The following CR1 variants were observed in gnomAD, a reference collection of about 807,000 sequenced individuals.
The protein encoded by CR1 is complement C3b/C4b receptor 1 (Knops blood group).
In CR1, 116 loss-of-function variants were observed where a neutral mutation model predicts 187.3. The observed-to-expected ratio is 0.62, with a 90% CI of 0.53 to 0.72. The LOEUF (loss-of-function observed/expected upper bound fraction) is 0.72, where lower values mean the gene tolerates loss of function less well. Among genes scored for constraint, CR1 ranks in the 30% least tolerant of loss-of-function variants. The pLI, the probability that CR1 is intolerant of heterozygous loss-of-function variation, is 0.00. For synonymous variants in CR1, 576 were observed against 747.1 expected (o/e 0.77, Z 3.73); for missense variants, 1,731 against 2,110.7 (o/e 0.82, Z 3.52).
At chr1:207,556,648 C>CATATATATGTATATAT (rs1553291419) in intron 19 of CR1, among the ~76,000 whole-genome samples, 2 of 38,216 alleles carry the variant, frequency 5.2e-5, no homozygotes, top group African/African-American at 7.4e-5. Context: ...TGATCTATAT[C>CATATATATGTATATAT]ATATATATAT....
intron 31 of CR1, 80 bp downstream of exon 31, chr1:207,580,693 G>C: frequency 7.9e-7 from 1 of 1,270,072 alleles, no homozygotes. Context: ...CCAAAAAGAG[G>C]GCTGACCTAG....
intron 32 of CR1, among the ~76,000 whole-genome samples, chr1:207,583,442 G>A (rs1661020205): frequency 1.3e-5 from 2 of 152,134 alleles, no homozygotes; most frequent in African/African-American, 2.4e-5. Flanking sequence ...CATGTAAAGA[G>A]AGTAGAAATA....
intron 31 of CR1, among the ~76,000 whole-genome samples, chr1:207,581,379 T>TGGA (rs1558245755): frequency 3.5e-5 from 5 of 142,982 alleles, no homozygotes; most frequent in Admixed American, 1.4e-4. Flanking sequence ...CGTATATGTA[T>TGGA]ACATATGTAT....
intron 31 of CR1, among the ~76,000 whole-genome samples, chr1:207,581,439 G>A (rs1054934004): frequency 6.7e-6 from 1 of 149,980 alleles, no homozygotes; most frequent in Non-Finnish European, 1.5e-5. Flanking sequence ...ATATACATAT[G>A]TATATACATA....
rs372769625 is a variant in CR1 at position 207,575,974 on chromosome 1, G to A, written c.4537+294G>A. Among the ~76,000 whole-genome samples, 21 of 152,148 alleles carry A rather than the reference G, an allele frequency of 1.4e-4. No homozygotes were observed. In the South Asian group the frequency reaches 4.1e-3, roughly 30 times the overall value. Reference sequence around the variant, plus strand: ...CACCTCGCAGTTTGAAGAGCATTTTGTTTAGTGAAGTCAACAAATACAAAG... The same window carrying A: ...CACCTCGCAGTTTGAAGAGCATTTTATTTAGTGAAGTCAACAAATACAAAG... On this transcript the variant is annotated intron_variant, in intron 28 of 46. Transcript: ENST00000367049.
chr1:207,585,258 G>A (rs997670231), intron 33 of CR1, among the ~76,000 whole-genome samples: 6 of 152,092 alleles, frequency 3.9e-5, no homozygotes, highest in Admixed American at 6.6e-5. Context: ...GTTCATGAGG[G>A]GTACATGGGC....
Position 207,626,132 on chromosome 1 carries a change from C to T in CR1, c.7352+3064C>T, listed in dbSNP as rs149290411. On this transcript the variant is annotated intron_variant, in intron 45 of 46. Coordinates refer to ENST00000367049, the MANE Select transcript of CR1 (RefSeq NM_000651.6). ...GCCTACACCCAGGAATGAGCAAAGC[C>T]GGCCCACCTGTGAGGCTAGAAGCAA... is the stretch of plus-strand genomic sequence containing the variant. Among the ~76,000 whole-genome samples the T allele has an allele frequency of 9.0e-3, 1,376 of 152,264 alleles. 24 individuals are homozygous for T. Among genetic ancestry groups the T allele is most frequent in the African/African-American group, 0.03 (1,265 of 41,548 alleles).
rs1343960904 is a variant in CR1 at position 207,510,617 on chromosome 1, T to A, written c.402-952T>A. On this transcript the variant is annotated intron_variant, in intron 3 of 46. Transcript: ENST00000367049. ...CAAATTTATGGCACACTGTGAACAG[T>A]TTGAGACATACTAATTGAGAATTGC... 3.3e-5 allele frequency among the ~76,000 whole-genome samples: 5 copies of A among 152,186 alleles called. No homozygotes were observed. The East Asian group carries it at 9.6e-4, about 29-fold the overall frequency.
At chr1:207,587,701 C>T in intron 34 of CR1, 136 bp downstream of exon 34, 2 of 713,862 alleles carry the variant, frequency 2.8e-6, no homozygotes, top group Non-Finnish European at 4.4e-6. Context: ...GAGTTCGCAA[C>T]CAGCCTGGGC....
At chr1:207,585,560 C>G (rs1439375389) in intron 33 of CR1, among the ~76,000 whole-genome samples, 1 of 152,176 alleles carries the variant, frequency 6.6e-6, no homozygotes, top group Non-Finnish European at 1.5e-5. Context: ...TAGGCCTTTT[C>G]CAGAGCAGAA....
intron 45 of CR1, among the ~76,000 whole-genome samples, chr1:207,627,517 G>T (rs61822978): frequency 0.23 from 35,091 of 152,170 alleles, 4,984 homozygotes; most frequent in East Asian, 0.34. Context: ...CTTACTCCAG[G>T]TTTCAAGGCT....
chr1:207,627,123 A>C (rs1662504424), intron 45 of CR1, among the ~76,000 whole-genome samples: 1 of 152,122 alleles, frequency 6.6e-6, no homozygotes, highest in Non-Finnish European at 1.5e-5. Context: ...CACACACAGA[A>C]ATGATCTCAC....
intron 28 of CR1, among the ~76,000 whole-genome samples, chr1:207,576,549 G>A (rs1456084755): frequency 1.3e-5 from 2 of 152,212 alleles, no homozygotes; most frequent in Admixed American, 6.5e-5. Flanking sequence ...CACGTGTGGT[G>A]ACTCAAACTT....
At chr1:207,605,369 A>C (rs1486297110) in intron 35 of CR1, among the ~76,000 whole-genome samples, 1 of 151,630 alleles carries the variant, frequency 6.6e-6, no homozygotes, top group Non-Finnish European at 1.5e-5. Flanking sequence ...ACACACACAC[A>C]CAAAACAAAT....
chr1:207,564,538 G>C (rs1249004853), intron 23 of CR1, among the ~76,000 whole-genome samples: 2 of 150,272 alleles, frequency 1.3e-5, no homozygotes, highest in Non-Finnish European at 2.9e-5. Flanking sequence ...GGTGGCTCAC[G>C]TGTGTAATCC....
chr1:207,518,967 T>TA (rs1659886940), intron 4 of CR1, among the ~76,000 whole-genome samples: 1 of 152,238 alleles, frequency 6.6e-6, no homozygotes, highest in African/African-American at 2.4e-5. Context: ...TCCTCTTTGT[T>TA]CTAGCAATTT....
chr1:207,637,241 C>A (rs980651742), intron 46 of CR1, among the ~76,000 whole-genome samples: 5 of 152,162 alleles, frequency 3.3e-5, no homozygotes, highest in African/African-American at 1.2e-4. Context: ...TCTGTTAAGT[C>A]GCTATCAACA....
intron 28 of CR1, 125 bp from the exon 29 acceptor site, chr1:207,577,679 AG>A: frequency 6.9e-7 from 1 of 1,439,896 alleles, no homozygotes; most frequent in Non-Finnish European, 9.5e-7. Context: ...TTGAGGTGGG[AG>A]GATTGCTTGA....
chr1:207,605,016 T>C (rs1032462830), intron 35 of CR1, among the ~76,000 whole-genome samples: 6 of 152,032 alleles, frequency 3.9e-5, no homozygotes, highest in Non-Finnish European at 8.8e-5. Context: ...TATAGCTCTT[T>C]GGGAGGCTGA....
Sources: allele counts gnomAD v4.1 joint callset (sites outside exome capture counted in the v4.1 genomes callset), GRCh38; gene constraint gnomAD v4.1.1; transcripts MANE v1.5; gene names NCBI Gene and HGNC (gene_info 2026-07-23, HGNC 2026-07-21).